Variants in CCDC106 observed in about 807,000 individuals in gnomAD.
CCDC106 encodes the protein coiled-coil domain containing 106, also known as coiled-coil domain-containing protein 106.
Under a neutral mutation model 24.7 loss-of-function variants are expected in CCDC106, and 17 were observed. The ratio of observed to expected loss-of-function variants is 0.69; its 90% CI spans 0.47 to 1.03. CCDC106 has a LOEUF of 1.03. Among genes scored for constraint, CCDC106 ranks in the 50% least tolerant of loss-of-function variants. CCDC106 has a pLI of 0.00. For synonymous variants in CCDC106, 211 were observed against 161.3 expected (o/e 1.31, Z -2.34); for missense variants, 337 against 388.9 (o/e 0.87, Z 1.12).
chr19:55,651,581 A>C (rs1049447064), intron 4 of CCDC106, 86 bp downstream of exon 4: 12 of 930,072 alleles, frequency 1.3e-5, no homozygotes, highest in Non-Finnish European at 8.0e-6. Context: ...CTTTCTCTCC[A>C]AGCCCCTCCA....
chr19:55,652,706 G>A lies in CCDC106; in HGVS notation c.803G>A (p.Ser268Asn), dbSNP rs1983406075. The part of the protein sequence containing the change: ...TLKKVQALKK[S>N]KLLLPITYRF... ...AAGAAGGTGCAGGCGCTCAAGAAGA[G>A]CAAGCTGCTGCTGCCCATCACCTAC... The change falls in exon 5 of 5, where the codon AGC becomes AAC. Residue 268 changes from serine (S) to asparagine (N), a missense_variant. Ser to Asn is a conservative substitution (Grantham distance 46, BLOSUM62 1). This residue lies in a region of CCDC106 where 103 missense variants were observed against 152.4 expected (regional missense o/e 0.68). Transcript: ENST00000586790. The surrounding 1 kb of genome is among the most constrained non-coding windows in gnomAD (Gnocchi z 5.9). The A allele has an allele frequency of 1.2e-6, 2 of 1,612,728 alleles. No homozygotes were observed. Among genetic ancestry groups the A allele is most frequent in the Non-Finnish European group, 1.7e-6 (2 of 1,179,846 alleles).
At chr19:55,651,660 CTT>C (rs575404924) in intron 4 of CCDC106, among the ~76,000 whole-genome samples, 165 bp downstream of exon 4, 5 of 141,280 alleles carry the variant, frequency 3.5e-5, no homozygotes, top group Admixed American at 7.1e-5. Context: ...GGTTTACTTT[CTT>C]TTTTTTTTTT....
chr19:55,652,402 C>T lies in CCDC106; in HGVS notation c.527-28C>T, dbSNP rs1600060298. On this transcript the variant is annotated intron_variant, in intron 4 of 4. Coordinates refer to ENST00000586790, the MANE Select transcript of CCDC106 (RefSeq NM_001370470.1). This position sits in a 1 kb window ranked among gnomAD's most constrained non-coding sequence, Gnocchi z 5.9. ...CCTCAGTCTTGTGCCCTGCCCCTCA[C>T]TTTCGTGTCCCCGCCTCCACCCCTC... The T allele has an allele frequency of 6.4e-7, 1 of 1,566,460 alleles. No individual in the cohort carries two copies. Among genetic ancestry groups the T allele is most frequent in the Non-Finnish European group, 8.7e-7 (1 of 1,151,884 alleles).
rs1314360797 is a variant in CCDC106, at chr19:55,652,641, C to T, written c.738C>T (p.Tyr246=). The T allele has an allele frequency of 1.9e-6, 3 of 1,612,740 alleles. No homozygotes were observed. The African/African-American group carries it at 4.0e-5, about 22-fold the overall frequency. The change falls in exon 5 of 5, where the codon TAC becomes TAT. Residue 246 remains tyrosine (Y), a synonymous_variant. Transcript: ENST00000586790. The surrounding 1 kb of genome is among the most constrained non-coding windows in gnomAD (Gnocchi z 5.9). Reference sequence around the variant, plus strand: ...CCTCCAAGGAGCGCCTGCTCGAGTACTCCCGCCGCTGCTTTCTGGCCCTGG... The same window carrying T: ...CCTCCAAGGAGCGCCTGCTCGAGTATTCCCGCCGCTGCTTTCTGGCCCTGG... ...FDPSKERLLE[Y]SRRCFLALDD...
In CCDC106 at chr19:55,652,327, C is replaced by T. The variant is rs1401535442; in HGVS notation, c.527-103C>T. ...CCACCTGCACCGGCCCGTGCCTCTG[C>T]TCGCCGAGATCCTTTCTTCCCATGG... is the stretch of plus-strand genomic sequence containing the variant. On this transcript the variant is annotated intron_variant, in intron 4 of 4. Transcript: ENST00000586790. The surrounding 1 kb of genome is among the most constrained non-coding windows in gnomAD (Gnocchi z 5.9). 9.6e-7 allele frequency: 1 copy of T among 1,036,302 alleles called. No homozygotes were observed. Among genetic ancestry groups the T allele is most frequent in the Non-Finnish European group, 1.4e-6 (1 of 705,406 alleles). The allele number at this position is 1,036,302 out of a possible 1,614,324, so 64.2% of individuals were successfully genotyped here.
rs1455907661 is a variant in CCDC106, at chr19:55,651,659, T to A, written c.526+164T>A. Among the ~76,000 whole-genome samples the A allele has an allele frequency of 2.7e-5, 4 of 148,482 alleles. No individual in the cohort carries two copies. The East Asian group carries it at 5.8e-4, about 22-fold the overall frequency. On this transcript the variant is annotated intron_variant, in intron 4 of 4. Transcript: ENST00000586790. ...TCCACGTGTGGTCCTGGGTTTACTT[T>A]CTTTTTTTTTTTTGGCGGGGGGGAC...
rs1983363383 is a variant in CCDC106, at chr19:55,652,336, AT to A, written c.527-93del. Reference sequence around the variant, plus strand: ...CCGGCCCGTGCCTCTGCTCGCCGAGATCCTTTCTTCCCATGGCCGTTTCCCT... The same window carrying A: ...CCGGCCCGTGCCTCTGCTCGCCGAGACCTTTCTTCCCATGGCCGTTTCCCT... On this transcript the variant is annotated intron_variant, in intron 4 of 4. Coordinates refer to ENST00000586790, the MANE Select transcript of CCDC106 (RefSeq NM_001370470.1). The surrounding 1 kb of genome is among the most constrained non-coding windows in gnomAD (Gnocchi z 5.9). 8.8e-7 allele frequency: 1 copy of A among 1,133,484 alleles called. No individual in the cohort carries two copies. Among genetic ancestry groups the A allele is most frequent in the Admixed American group, 2.3e-5 (1 of 43,800 alleles). The allele number at this position is 1,133,484 out of a possible 1,614,324, so 70.2% of individuals were successfully genotyped here.
At chr19:55,650,266 G>A (rs766979891) in intron 3 of CCDC106, among the ~76,000 whole-genome samples, 1 of 152,212 alleles carries the variant, frequency 6.6e-6, no homozygotes, top group African/African-American at 2.4e-5. Context: ...TTCATGGCCA[G>A]AAGCAGCCCA....
At chr19:55,651,113 T>G (rs1209620983) in intron 3 of CCDC106, among the ~76,000 whole-genome samples, 170 bp from the exon 4 acceptor site, 3 of 152,222 alleles carry the variant, frequency 2.0e-5, no homozygotes, top group Admixed American at 1.3e-4. Flanking sequence ...AGACCCCAAC[T>G]GGCTCTACTC....
chr19:55,651,505 G>A lies in CCDC106; in HGVS notation c.526+10G>A, dbSNP rs778619111. The A allele has an allele frequency of 1.9e-6, 3 of 1,541,860 alleles. No individual in the cohort carries two copies. The highest frequency in any genetic ancestry group is 2.3e-5 in the East Asian group (1 of 43,328). ...CGGGAGAGGCAGCGAGGTGAGTGGG[G>A]TGCATGGGGCGGGCGCTGAGGGGCC... On this transcript the variant is annotated intron_variant, in intron 4 of 4. Coordinates refer to ENST00000586790, the MANE Select transcript of CCDC106 (RefSeq NM_001370470.1).
chr19:55,649,281 T>C lies in CCDC106; in HGVS notation c.108T>C (p.Ser36=), dbSNP rs1983076930. ...APHLDPQIFY[S]LSPSRRNFEE... is the part of the protein sequence containing the mutation. ...ACCTAGACCCACAGATCTTTTACAGTCTGAGCCCCTCTCGGAGAAACTTCG... is the reference window on the plus strand; with the variant it reads ...ACCTAGACCCACAGATCTTTTACAGCCTGAGCCCCTCTCGGAGAAACTTCG... Residue 36 remains serine, a synonymous_variant, in exon 2 of 5, where the codon AGT becomes AGC. Transcript: ENST00000586790. The C allele has an allele frequency of 6.2e-7, 1 of 1,613,872 alleles. No individual in the cohort carries two copies. Among genetic ancestry groups the C allele is most frequent in the Non-Finnish European group, 8.5e-7 (1 of 1,179,908 alleles).
intron 3 of CCDC106, 140 bp from the exon 4 acceptor site, chr19:55,651,143 G>A (rs894605647): frequency 8.6e-6 from 6 of 697,122 alleles, no homozygotes; most frequent in African/African-American, 3.5e-5. Context: ...CGTCTCTACC[G>A]TACTCCTTGT....
At chr19:55,651,138 C>T (rs949549599) in intron 3 of CCDC106, 145 bp from the exon 4 acceptor site, 3 of 679,706 alleles carry the variant, frequency 4.4e-6, no homozygotes, top group Non-Finnish European at 7.9e-6. Context: ...ACCAGCGTCT[C>T]TACCGTACTC....
chr19:55,651,567 C>T (rs1249912457), intron 4 of CCDC106, 72 bp downstream of exon 4: 5 of 1,072,238 alleles, frequency 4.7e-6, no homozygotes, highest in Non-Finnish European at 1.3e-6. Context: ...TCCCAGAGGT[C>T]CCCCTTTCTC....
rs973149739 is a variant in CCDC106, at chr19:55,652,998, G to A, written c.*252G>A. 1.3e-5 allele frequency: 6 copies of A among 462,744 alleles called. No individual in the cohort carries two copies. The highest frequency in any genetic ancestry group is 6.7e-5 in the African/African-American group (3 of 44,916). 28.7% of individuals were successfully genotyped at this position (462,744 alleles called of 1,614,324 possible). On this transcript the variant is annotated 3_prime_UTR_variant, in exon 5 of 5. Coordinates refer to ENST00000586790, the MANE Select transcript of CCDC106 (RefSeq NM_001370470.1). This position sits in a 1 kb window ranked among gnomAD's most constrained non-coding sequence, Gnocchi z 5.9. ...CTTCCTCCTGGAAAACCAGGCAGGC[G>A]GGTGCCCCCCCCTCGAGTGGGGGAC...
Position 55,652,392 on chromosome 19 carries a change from C to A in CCDC106, c.527-38C>A. The A allele has an allele frequency of 6.5e-7, 1 of 1,548,104 alleles. No homozygotes were observed. The highest frequency in any genetic ancestry group is 8.8e-7 in the Non-Finnish European group (1 of 1,137,946). ...GTGTCCGCCCCCTCAGTCTTGTGCC[C>A]TGCCCCTCACTTTCGTGTCCCCGCC... On this transcript the variant is annotated intron_variant, in intron 4 of 4. Transcript: ENST00000586790. This position sits in a 1 kb window ranked among gnomAD's most constrained non-coding sequence, Gnocchi z 5.9.
At chr19:55,650,898 C>A (rs1162448625) in intron 3 of CCDC106, among the ~76,000 whole-genome samples, 1 of 152,188 alleles carries the variant, frequency 6.6e-6, no homozygotes, top group Non-Finnish European at 1.5e-5. Context: ...GTCTGACCCC[C>A]CGACTCCAGC....
rs910334566 is a variant in CCDC106, at chr19:55,652,825, G to A, written c.*79G>A. 3.1e-6 allele frequency: 4 copies of A among 1,270,290 alleles called. No individual in the cohort carries two copies. Among genetic ancestry groups the A allele is most frequent in the African/African-American group, 3.0e-5 (2 of 66,998 alleles). The allele number at this position is 1,270,290 out of a possible 1,614,324, so 78.7% of individuals were successfully genotyped here. On this transcript the variant is annotated 3_prime_UTR_variant, in exon 5 of 5. Transcript: ENST00000586790. The surrounding 1 kb of genome is among the most constrained non-coding windows in gnomAD (Gnocchi z 5.9). The stretch of plus-strand genomic sequence containing the variant: ...TGGATGACCTGCCCCTCTCCCCGCC[G>A]CGCCCCTGCCCCTCCTCCTCGCTCC...
In CCDC106 at chr19:55,651,660, C is replaced by CT. The variant is rs575404924; in HGVS notation, c.526+177dup. On this transcript the variant is annotated intron_variant, in intron 4 of 4. Coordinates refer to ENST00000586790, the MANE Select transcript of CCDC106 (RefSeq NM_001370470.1). ...CCACGTGTGGTCCTGGGTTTACTTT[C>CT]TTTTTTTTTTTTGGCGGGGGGGACG... Among the ~76,000 whole-genome samples, 182 of 141,282 alleles carry CT rather than the reference C, an allele frequency of 1.3e-3. 2 individuals carry two copies. The highest frequency in any genetic ancestry group is 7.0e-3 in the South Asian group (32 of 4,540). 92.7% of individuals were successfully genotyped at this position (141,282 alleles called of 152,430 possible). A position where few individuals can be genotyped will look rare whatever the true frequency, so the allele number is the denominator to read the frequency against.
Sources: gnomAD v4.1 joint callset for allele counts (sites outside exome capture counted in the v4.1 genomes callset) on GRCh38, gnomAD v4.1.1 for gene constraint, gnomAD v4.1.1 regional missense constraint, Gnocchi (gnomAD v3.1) non-coding constraint, MANE v1.5 for transcripts, NCBI Gene and HGNC (gene_info 2026-07-23, HGNC 2026-07-21) for gene names.